The following KCND2 variants were observed in gnomAD, a reference collection of about 807,000 sequenced individuals.
KCND2 encodes potassium voltage-gated channel subfamily D member 2.
In KCND2, 16 loss-of-function variants were observed where a neutral mutation model predicts 54.4. That is an observed-to-expected ratio of 0.29 (90% CI 0.20 to 0.45). The LOEUF (loss-of-function observed/expected upper bound fraction) is 0.45, where lower values mean the gene tolerates loss of function less well. Ranked by LOEUF, KCND2 falls within the 20% of genes least tolerant of loss-of-function variation. KCND2 has a pLI of 1.00. For missense variants in KCND2, 486 were observed against 824.2 expected (o/e 0.59, Z 5.02); for synonymous variants, 317 against 310.7 (o/e 1.02, Z -0.21).
chr7:120,558,588 A>G (rs1792193358), intron 1 of KCND2, among the ~76,000 whole-genome samples: 1 of 152,160 alleles, frequency 6.6e-6, no homozygotes, highest in Admixed American at 6.5e-5. Flanking sequence ...ATTAGCCACA[A>G]AGTTTCTTAT....
intron 1 of KCND2, among the ~76,000 whole-genome samples, chr7:120,449,271 G>A (rs1802065724): frequency 6.6e-6 from 1 of 151,344 alleles, no homozygotes; most frequent in Admixed American, 6.6e-5. Flanking sequence ...GGAGCTTTCA[G>A]TGAGCCGAGA....
chr7:120,377,362 A>G (rs1000721521), intron 1 of KCND2, among the ~76,000 whole-genome samples: 2 of 151,966 alleles, frequency 1.3e-5, no homozygotes, highest in African/African-American at 2.4e-5. Context: ...CTAGAAGTGT[A>G]GTGGGCTCAA....
At chr7:120,539,788 C>CA (rs1044721045) in intron 1 of KCND2, among the ~76,000 whole-genome samples, 18 of 151,866 alleles carry the variant, frequency 1.2e-4, no homozygotes, top group African/African-American at 3.6e-4. Context: ...TTTTTTTTAG[C>CA]AAAAAATCCC....
Position 120,644,212 on chromosome 7 carries a change from G to A in KCND2, c.1116-88691G>A, listed in dbSNP as rs146427291. Among the ~76,000 whole-genome samples, 793 of 152,224 alleles carry A rather than the reference G, an allele frequency of 5.2e-3. 5 individuals are homozygous for A. The highest frequency in any genetic ancestry group is 0.018 in the African/African-American group (760 of 41,540). On this transcript the variant is annotated intron_variant, in intron 1 of 5. Transcript: ENST00000331113. ...TATGCAGAGGAAAATAGTATGGTAGGAGTGTCAGATGACCATTAAGTATGG... is the reference window on the plus strand; with the variant it reads ...TATGCAGAGGAAAATAGTATGGTAGAAGTGTCAGATGACCATTAAGTATGG...
intron 1 of KCND2, among the ~76,000 whole-genome samples, chr7:120,652,899 A>G (rs1791755597): frequency 6.6e-6 from 1 of 152,162 alleles, no homozygotes; most frequent in East Asian, 1.9e-4. Context: ...TAATTTCCTT[A>G]TTTTTATTAT....
At chr7:120,625,800 A>C (rs1437918747) in intron 1 of KCND2, among the ~76,000 whole-genome samples, 1 of 152,034 alleles carries the variant, frequency 6.6e-6, no homozygotes, top group Non-Finnish European at 1.5e-5. Context: ...AATAATAAGA[A>C]ACTTGAAAAC....
chr7:120,312,439 G>A (rs1429452338), intron 1 of KCND2, among the ~76,000 whole-genome samples: 1 of 152,034 alleles, frequency 6.6e-6, no homozygotes, highest in African/African-American at 2.4e-5. Context: ...TATACAACAG[G>A]TAATTTTTAG....
chr7:120,387,878 C>A (rs1402301370), intron 1 of KCND2, among the ~76,000 whole-genome samples: 2 of 151,950 alleles, frequency 1.3e-5, no homozygotes, highest in Admixed American at 1.3e-4. Flanking sequence ...GAAGATTTTA[C>A]AGTGTCTCTA....
At chr7:120,665,999 A>T (rs1341166002) in intron 1 of KCND2, among the ~76,000 whole-genome samples, 2 of 152,082 alleles carry the variant, frequency 1.3e-5, no homozygotes, top group African/African-American at 4.8e-5. Flanking sequence ...AAAAAATAGT[A>T]CTGGAGGGGA....
intron 1 of KCND2, among the ~76,000 whole-genome samples, chr7:120,622,485 T>TTATATATATATATATA (rs370315618): frequency 1.6e-4 from 24 of 151,094 alleles, no homozygotes; most frequent in African/African-American, 5.8e-4. Flanking sequence ...TGCGAAATTG[T>TTATATATATATATATA]TATATATATA....
chr7:120,745,989 T>G lies in KCND2; in HGVS notation c.1677T>G (p.Ile559Met). Residue 559 changes from isoleucine (I) to methionine (M), a missense_variant, in exon 5 of 6, where the codon ATT (isoleucine) becomes ATG (methionine). By Grantham distance (10) the Ile-to-Met change is conservative. This residue lies in a region of KCND2 where 202 missense variants were observed against 252.7 expected (regional missense o/e 0.80). Coordinates refer to ENST00000331113, the MANE Select transcript of KCND2 (RefSeq NM_012281.3). ...HQGSIQELST[I>M]QIRCVERTPL... ...GTAGTATACAAGAACTCAGCACGAT[T>G]CAGATCAGATGTGTGGAGAGAACAC... 2 of 1,613,760 alleles carry G rather than the reference T, an allele frequency of 1.2e-6. No homozygotes were observed. Among genetic ancestry groups the G allele is most frequent in the Non-Finnish European group, 1.7e-6 (2 of 1,179,758 alleles).
intron 1 of KCND2, among the ~76,000 whole-genome samples, chr7:120,560,931 T>G (rs1792225030): frequency 6.6e-6 from 1 of 152,196 alleles, no homozygotes; most frequent in African/African-American, 2.4e-5. Flanking sequence ...TTGACCAAGG[T>G]ACCAAAATGT....
At chr7:120,556,358 A>G (rs2116403240) in intron 1 of KCND2, among the ~76,000 whole-genome samples, 1 of 152,148 alleles carries the variant, frequency 6.6e-6, no homozygotes, top group East Asian at 1.9e-4. Context: ...CTGACTTCCT[A>G]CCAGATTAAG....
chr7:120,595,591 G>GTATATATA (rs58301382), intron 1 of KCND2, among the ~76,000 whole-genome samples: 11,180 of 131,268 alleles, frequency 0.085, 616 homozygotes, highest in Admixed American at 0.16. Context: ...GTGTGTGTGT[G>GTATATATA]TATATATATA....
At chr7:120,717,981 CT>C (rs997478254) in intron 1 of KCND2, among the ~76,000 whole-genome samples, 1 of 152,066 alleles carries the variant, frequency 6.6e-6, no homozygotes, top group Admixed American at 6.6e-5. Flanking sequence ...CTTCTCCCCC[CT>C]GCACCAATAT....
At position 120,737,058 on chromosome 7, in the gene KCND2, ACACACAC is replaced by A. The variant is rs1220308972; in HGVS notation, c.1278+3994_1278+4000del. 1.7e-3 allele frequency among the ~76,000 whole-genome samples: 243 copies of A among 144,948 alleles called. 1 individual carries two copies. The highest frequency in any genetic ancestry group is 5.8e-3 in the African/African-American group (223 of 38,710). ...CTTACACACACACACACACACACAC[ACACACAC>A]ACACACACACAAACAAAAAAAAAAA... is the stretch of plus-strand genomic sequence containing the variant. On this transcript the variant is annotated intron_variant, in intron 2 of 5. Transcript: ENST00000331113.
chr7:120,738,724 C>G (rs1235954487), intron 2 of KCND2, among the ~76,000 whole-genome samples: 1 of 152,020 alleles, frequency 6.6e-6, no homozygotes, highest in Non-Finnish European at 1.5e-5. Flanking sequence ...TTTTTACCAG[C>G]AGATGGCTTT....
intron 1 of KCND2, among the ~76,000 whole-genome samples, chr7:120,376,946 T>A (rs1800842167): frequency 6.6e-6 from 1 of 151,974 alleles, no homozygotes; most frequent in Admixed American, 6.6e-5. Flanking sequence ...GAGATGTATG[T>A]CTTCAGTTCA....
chr7:120,318,589 T>C (rs1799848251), intron 1 of KCND2, among the ~76,000 whole-genome samples: 1 of 152,120 alleles, frequency 6.6e-6, no homozygotes, highest in Non-Finnish European at 1.5e-5. Flanking sequence ...GGAAAATTCC[T>C]TGAAATAACT....
Sources: allele counts gnomAD v4.1 joint callset (sites outside exome capture counted in the v4.1 genomes callset), GRCh38; gene constraint gnomAD v4.1.1; regional missense constraint gnomAD v4.1.1; transcripts MANE v1.5; gene names NCBI Gene and HGNC (gene_info 2026-07-23, HGNC 2026-07-21).